The following TBC1D22A variants were observed in gnomAD, a reference collection of about 807,000 sequenced individuals.
TBC1D22A encodes the protein TBC1 domain family member 22A, also known as putative GTPase activator.
A neutral mutation model predicts 60.2 loss-of-function variants in TBC1D22A; 38 were observed. That is an observed-to-expected ratio of 0.63 (90% CI 0.49 to 0.83). The LOEUF (loss-of-function observed/expected upper bound fraction) is 0.83, where lower values mean the gene tolerates loss of function less well. Ranked by LOEUF, TBC1D22A falls within the 40% of genes least tolerant of loss-of-function variation. The pLI, the probability that TBC1D22A is intolerant of heterozygous loss-of-function variation, is 0.00. For synonymous variants in TBC1D22A, 302 were observed against 281.7 expected (o/e 1.07, Z -0.72); for missense variants, 628 against 701.0 (o/e 0.90, Z 1.18).
chr22:46,816,151 C>T lies in TBC1D22A; in HGVS notation c.637+18531C>T, dbSNP rs189315807. Among the ~76,000 whole-genome samples the T allele has an allele frequency of 3.3e-3, 509 of 152,310 alleles. 10 individuals carry two copies. The highest frequency in any genetic ancestry group is 0.031 in the Admixed American group (468 of 15,308). ...CCTGCCCTGGACCTCCTGCTGCGGCCGGCCGCCTGCCTGCCTGCTCTTGGC... is the reference window on the plus strand; with the variant it reads ...CCTGCCCTGGACCTCCTGCTGCGGCTGGCCGCCTGCCTGCCTGCTCTTGGC... On this transcript the variant is annotated intron_variant, in intron 4 of 12. Transcript: ENST00000337137.
chr22:47,133,972 C>A (rs975700255), intron 12 of TBC1D22A, among the ~76,000 whole-genome samples: 8 of 152,134 alleles, frequency 5.3e-5, no homozygotes, highest in African/African-American at 1.7e-4. Flanking sequence ...GGACTTAATA[C>A]CCTTTCTCGT....
At chr22:46,858,715 G>A (rs1489550352) in intron 4 of TBC1D22A, among the ~76,000 whole-genome samples, 1 of 152,164 alleles carries the variant, frequency 6.6e-6, no homozygotes, top group African/African-American at 2.4e-5. Context: ...TGGGAGAGGC[G>A]GCCTCAACCA....
chr22:46,893,586 C>A (rs1328792788), intron 6 of TBC1D22A, among the ~76,000 whole-genome samples: 2 of 152,240 alleles, frequency 1.3e-5, no homozygotes. Flanking sequence ...TTATGCTGCT[C>A]ATGCTGGGGA....
At chr22:47,023,868 G>T (rs1173921079) in intron 10 of TBC1D22A, among the ~76,000 whole-genome samples, 2 of 152,240 alleles carry the variant, frequency 1.3e-5, no homozygotes, top group Admixed American at 6.5e-5. Flanking sequence ...GAAGGAATAT[G>T]GTCCTAGATG....
intron 1 of TBC1D22A, among the ~76,000 whole-genome samples, chr22:46,791,186 T>G (rs1434127596): frequency 6.6e-6 from 1 of 152,124 alleles, no homozygotes; most frequent in African/African-American, 2.4e-5. Context: ...GCCCAGCCAA[T>G]TTTTTTGTAT....
At chr22:47,116,361 G>T (rs1174100844) in intron 12 of TBC1D22A, 1 of 152,296 alleles carries the variant, frequency 6.6e-6, no homozygotes, top group Non-Finnish European at 1.5e-5. Context: ...GGTGAACAGA[G>T]TGTGGCACCT....
chr22:47,118,895 T>A (rs947104339), intron 12 of TBC1D22A, among the ~76,000 whole-genome samples: 21 of 152,250 alleles, frequency 1.4e-4, no homozygotes, highest in African/African-American at 4.8e-4. Context: ...CTCACGCCTG[T>A]AATCCCAGCA....
intron 12 of TBC1D22A, among the ~76,000 whole-genome samples, chr22:47,138,776 T>G (rs1233821532): frequency 6.6e-6 from 1 of 152,152 alleles, no homozygotes; most frequent in East Asian, 1.9e-4. Context: ...AGACCCGGCA[T>G]CTGGTGAGGG....
chr22:46,941,141 AC>A (rs1223585939), intron 8 of TBC1D22A, among the ~76,000 whole-genome samples: 1 of 127,576 alleles, frequency 7.8e-6, no homozygotes, highest in Non-Finnish European at 1.6e-5. Flanking sequence ...ACACACACAC[AC>A]ACACAGTCCA....
At chr22:46,783,999 T>C (rs2084052819) in intron 1 of TBC1D22A, among the ~76,000 whole-genome samples, 1 of 152,238 alleles carries the variant, frequency 6.6e-6, no homozygotes, top group Admixed American at 6.5e-5. Flanking sequence ...AAACAGTAGA[T>C]TACTGCAGTG....
intron 8 of TBC1D22A, among the ~76,000 whole-genome samples, chr22:46,954,047 A>G (rs944873062): frequency 1.4e-5 from 2 of 143,656 alleles, no homozygotes; most frequent in Non-Finnish European, 1.6e-5. Context: ...CATCCTCTTC[A>G]GAAGGTCGAG....
Position 47,019,693 on chromosome 22 carries a change from C to T in TBC1D22A, c.1202-17378C>T, listed in dbSNP as rs62225119. Among the ~76,000 whole-genome samples, 975 of 151,986 alleles carry T rather than the reference C, an allele frequency of 6.4e-3. 5 individuals carry two copies. The highest frequency in any genetic ancestry group is 0.01 in the Non-Finnish European group (685 of 67,934). On this transcript the variant is annotated intron_variant, in intron 10 of 12. Coordinates refer to ENST00000337137, the MANE Select transcript of TBC1D22A (RefSeq NM_014346.5). ...GCAGTCGGGGGTGTGCAGGGAAGGA[C>T]GTGGTTTGGAAAGTGCTTTTCCCGG...
intron 10 of TBC1D22A, among the ~76,000 whole-genome samples, chr22:47,030,763 A>C (rs2062444356): frequency 6.6e-6 from 1 of 152,264 alleles, no homozygotes; most frequent in African/African-American, 2.4e-5. Flanking sequence ...GCTCGCAATT[A>C]CTTATAAAAT....
chr22:46,834,697 A>G (rs1404590513), intron 4 of TBC1D22A, among the ~76,000 whole-genome samples: 2 of 152,246 alleles, frequency 1.3e-5, no homozygotes, highest in Non-Finnish European at 2.9e-5. Flanking sequence ...AAAGGGCTAC[A>G]GTTTCTACTA....
intron 8 of TBC1D22A, among the ~76,000 whole-genome samples, chr22:46,944,430 G>T (rs550365337): frequency 4.6e-5 from 7 of 152,082 alleles, no homozygotes; most frequent in Admixed American, 4.6e-4. Context: ...ACGGAGTCTT[G>T]CTCCGTCTCC....
intron 11 of TBC1D22A, among the ~76,000 whole-genome samples, chr22:47,062,802 C>T (rs529388895): frequency 6.6e-6 from 1 of 152,126 alleles, no homozygotes; most frequent in Non-Finnish European, 1.5e-5. Flanking sequence ...TCCAGATGAA[C>T]CTGCAGGCTG....
intron 11 of TBC1D22A, 42 bp downstream of exon 11, chr22:47,037,240 G>A (rs1461305808): frequency 4.4e-6 from 7 of 1,606,778 alleles, no homozygotes; most frequent in South Asian, 1.1e-5. Flanking sequence ...GGTGCCAGGA[G>A]CCCGGGCCGT....
chr22:47,086,193 G>A (rs1000292952), intron 11 of TBC1D22A, among the ~76,000 whole-genome samples: 3 of 152,284 alleles, frequency 2.0e-5, no homozygotes, highest in South Asian at 2.1e-4. Flanking sequence ...GGCCGAGCGC[G>A]GTGGCTCATG....
intron 4 of TBC1D22A, among the ~76,000 whole-genome samples, chr22:46,806,513 A>T (rs1390771873): frequency 1.3e-5 from 2 of 149,872 alleles, no homozygotes; most frequent in Non-Finnish European, 3.0e-5. Context: ...ATTATTAAAA[A>T]TTTTTAAATT....
Sources: gnomAD v4.1 joint callset for allele counts (sites outside exome capture counted in the v4.1 genomes callset) on GRCh38, gnomAD v4.1.1 for gene constraint, MANE v1.5 for transcripts, NCBI Gene and HGNC (gene_info 2026-07-23, HGNC 2026-07-21) for gene names.